DYRK1A: variants seen among roughly 807,000 people sequenced by gnomAD.
DYRK1A encodes dual specificity tyrosine-phosphorylation-regulated kinase 1A.
In DYRK1A, 9 loss-of-function variants were observed where a neutral mutation model predicts 79.7. The observed-to-expected ratio is 0.11, with a 90% CI of 0.07 to 0.20. The LOEUF is 0.20. Among genes scored for constraint, DYRK1A ranks in the 10% least tolerant of loss-of-function variants. DYRK1A has a pLI of 1.00. For missense variants in DYRK1A, 622 were observed against 956.0 expected, an observed-to-expected ratio of 0.65 and a Z score of 4.61; for synonymous variants, 349 against 329.7, an observed-to-expected ratio of 1.06 and a Z score of -0.63.
intron 1 of DYRK1A, among the ~76,000 whole-genome samples, chr21:37,380,421 T>A (rs1047532590): frequency 6.6e-6 from 1 of 152,144 alleles, no homozygotes; most frequent in African/African-American, 2.4e-5. Flanking sequence ...TATTTCGTTG[T>A]TGTGGTTCTG....
intron 1 of DYRK1A, among the ~76,000 whole-genome samples, chr21:37,400,659 G>A (rs1329775749): frequency 6.6e-6 from 1 of 152,128 alleles, no homozygotes; most frequent in East Asian, 1.9e-4. Context: ...TTCTTTTAGG[G>A]TCAGTGTAAG....
At chr21:37,414,065 A>G (rs1182432716) in intron 1 of DYRK1A, among the ~76,000 whole-genome samples, 1 of 152,096 alleles carries the variant, frequency 6.6e-6, no homozygotes, top group Non-Finnish European at 1.5e-5. Flanking sequence ...TGATATAAAG[A>G]TATATATGTA....
At chr21:37,462,326 C>G (rs1187490436) in intron 2 of DYRK1A, among the ~76,000 whole-genome samples, 1 of 152,190 alleles carries the variant, frequency 6.6e-6, no homozygotes, top group Non-Finnish European at 1.5e-5. Context: ...TGTTAATTCA[C>G]TTGCAGACCA....
intron 1 of DYRK1A, among the ~76,000 whole-genome samples, chr21:37,384,534 C>G (rs1180360650): frequency 2.0e-5 from 3 of 150,850 alleles, no homozygotes; most frequent in Non-Finnish European, 4.4e-5. Context: ...TAATCTGAAA[C>G]TAATGTAATT....
At chr21:37,407,499 A>G (rs2050170103) in intron 1 of DYRK1A, among the ~76,000 whole-genome samples, 1 of 152,190 alleles carries the variant, frequency 6.6e-6, no homozygotes. Context: ...GTTGAATATT[A>G]TGTTAACTTT....
chr21:37,474,629 G>T (rs1233191771), intron 3 of DYRK1A, among the ~76,000 whole-genome samples: 4 of 152,174 alleles, frequency 2.6e-5, no homozygotes, highest in African/African-American at 9.7e-5. Flanking sequence ...TGTTCCTTGG[G>T]TGTCAAATTG....
intron 1 of DYRK1A, among the ~76,000 whole-genome samples, chr21:37,373,917 C>T (rs1234285890): frequency 6.6e-6 from 1 of 152,164 alleles, no homozygotes; most frequent in African/African-American, 2.4e-5. Context: ...TTTGAAAATA[C>T]AATGGATTGC....
intron 2 of DYRK1A, among the ~76,000 whole-genome samples, chr21:37,466,272 C>T (rs945819871): frequency 3.3e-5 from 5 of 152,066 alleles, no homozygotes; most frequent in Admixed American, 1.3e-4. Context: ...GAGAGAGCAA[C>T]AGAATTAAAA....
chr21:37,380,208 A>G (rs901603256), intron 1 of DYRK1A, among the ~76,000 whole-genome samples: 2 of 152,154 alleles, frequency 1.3e-5, no homozygotes, highest in African/African-American at 4.8e-5. Flanking sequence ...TGAAAAATTT[A>G]TTCTGATTTG....
At chr21:37,447,301 G>A (rs2051305102) in intron 2 of DYRK1A, among the ~76,000 whole-genome samples, 1 of 152,014 alleles carries the variant, frequency 6.6e-6, no homozygotes, top group African/African-American at 2.4e-5. Flanking sequence ...CACACCCCAT[G>A]TAACTTATAA....
At chr21:37,438,780 T>C (rs565422878) in intron 2 of DYRK1A, among the ~76,000 whole-genome samples, 5 of 152,310 alleles carry the variant, frequency 3.3e-5, no homozygotes, top group East Asian at 3.9e-4. Context: ...TTTCCTCTTA[T>C]TCAAAGTTTT....
chr21:37,372,322 C>T (rs923543635), intron 1 of DYRK1A, among the ~76,000 whole-genome samples: 18 of 151,418 alleles, frequency 1.2e-4, no homozygotes, highest in Admixed American at 4.6e-4. Flanking sequence ...GTTAGTGCCA[C>T]CTGTAGTCCA....
intron 1 of DYRK1A, among the ~76,000 whole-genome samples, chr21:37,400,913 G>A (rs2050040698): frequency 6.6e-6 from 1 of 152,176 alleles, no homozygotes; most frequent in African/African-American, 2.4e-5. Context: ...GGGAGGCTGA[G>A]GTGGGCGGAT....
Position 37,521,378 on chromosome 21 carries a change from A to T in DYRK1A, c.*8847A>T, listed in dbSNP as rs1048644024. The T allele has an allele frequency of 1.3e-5, 2 of 152,246 alleles. No individual in the cohort carries two copies. Among genetic ancestry groups the T allele is most frequent in the African/African-American group, 4.8e-5 (2 of 41,448 alleles). The allele number at this position is 152,246 out of a possible 1,614,324, so 9.4% of individuals were successfully genotyped here. ...AATTTAAAAATGAACAAAAAGTCCTACCCTGAAGAAGAAGAATGTCTTACC... is the reference window on the plus strand; with the variant it reads ...AATTTAAAAATGAACAAAAAGTCCTTCCCTGAAGAAGAAGAATGTCTTACC... On this transcript the variant is annotated 3_prime_UTR_variant, in exon 12 of 12. Coordinates refer to ENST00000647188, the MANE Select transcript of DYRK1A (RefSeq NM_001347721.2).
intron 1 of DYRK1A, chr21:37,418,872 A>G (rs950092042): frequency 2.6e-5 from 4 of 152,228 alleles, no homozygotes; most frequent in African/African-American, 9.6e-5. Flanking sequence ...AATCTGGAAT[A>G]TAGGCAAAGA....
Position 37,518,952 on chromosome 21 carries a change from AC to A in DYRK1A, c.*6422del, listed in dbSNP as rs1408975146. 2.0e-5 allele frequency: 3 copies of A among 152,196 alleles called. No homozygotes were observed. Among genetic ancestry groups the A allele is most frequent in the African/African-American group, 7.2e-5 (3 of 41,448 alleles). 9.4% of individuals were successfully genotyped at this position (152,196 alleles called of 1,614,324 possible). ...AAATGGAGTTTGATTACCAAAGTTTACATAGAGTAATGGATAATTAAAATTT... is the reference window on the plus strand; with the variant it reads ...AAATGGAGTTTGATTACCAAAGTTTAATAGAGTAATGGATAATTAAAATTT... On this transcript the variant is annotated 3_prime_UTR_variant, in exon 12 of 12. Coordinates refer to ENST00000647188, the MANE Select transcript of DYRK1A (RefSeq NM_001347721.2).
rs1277713946 is a variant in DYRK1A at position 37,512,444 on chromosome 21, A to G, written c.2178A>G (p.Gly726=). The change falls in exon 12 of 12, where the codon GGA becomes GGG. Residue 726 remains glycine, a synonymous_variant. Transcript: ENST00000647188. ...GTCCTGCACATTACATGACTGAAGG[A>G]CATCTGACAATGAGGCAAGGGGCTG... ...NTGPAHYMTE[G]HLTMRQGADR... 4 of 1,614,252 alleles carry G rather than the reference A, an allele frequency of 2.5e-6. No homozygotes were observed. The highest frequency in any genetic ancestry group is 3.4e-6 in the Non-Finnish European group (4 of 1,180,044).
intron 3 of DYRK1A, among the ~76,000 whole-genome samples, chr21:37,476,531 C>CT (rs1012407108): frequency 1.1e-4 from 16 of 152,248 alleles, no homozygotes; most frequent in Admixed American, 1.0e-3. Flanking sequence ...ACTGAATAAA[C>CT]TACCTACATG....
chr21:37,379,544 G>A (rs2154543), intron 1 of DYRK1A, among the ~76,000 whole-genome samples: 19,932 of 152,142 alleles, frequency 0.13, 1,338 homozygotes, highest in African/African-American at 0.16. Context: ...ACTGAAGATA[G>A]AATTATTATT....
Sources: gnomAD v4.1 joint callset for allele counts (sites outside exome capture counted in the v4.1 genomes callset) on GRCh38, gnomAD v4.1.1 for gene constraint, MANE v1.5 for transcripts, NCBI Gene and HGNC (gene_info 2026-07-23, HGNC 2026-07-21) for gene names.